The following NOTCH4 variants were observed in gnomAD, a reference collection of about 807,000 sequenced individuals.
The protein encoded by NOTCH4 is notch receptor 4.
Under a neutral mutation model 189.0 loss-of-function variants are expected in NOTCH4, and 138 were observed. That is an observed-to-expected ratio of 0.73 (90% CI 0.64 to 0.84). NOTCH4 has a LOEUF of 0.84. Ranked by LOEUF, NOTCH4 falls within the 40% of genes least tolerant of loss-of-function variation. The pLI is 0.00. For missense variants in NOTCH4, 2,286 were observed against 2,605.4 expected (o/e 0.88, Z 2.67); for synonymous variants, 942 against 1,032.8 (o/e 0.91, Z 1.69).
Position 32,220,395 on chromosome 6 carries a change from AC to A in NOTCH4, c.1159+9del. ...TACCTCCCACCTCCTGATACCCTCT[AC>A]CCCCATACCTGTGCGTCCAGGTGGG... is the stretch of plus-strand genomic sequence containing the variant. On this transcript the variant is annotated intron_variant, in intron 6 of 29. Transcript: ENST00000375023. The A allele has an allele frequency of 6.2e-7, 1 of 1,613,338 alleles. No homozygotes were observed. Among genetic ancestry groups the A allele is most frequent in the Non-Finnish European group, 8.5e-7 (1 of 1,179,546 alleles).
At position 32,204,397 on chromosome 6, in the gene NOTCH4, C is replaced by A; in HGVS notation, c.2866-8G>T. ...ATCGTAGCCTGGGGCACACTGCAGACAAAGAGGATTAGACAGGGAACCAGT... is the reference window on the plus strand; with the variant it reads ...ATCGTAGCCTGGGGCACACTGCAGAAAAAGAGGATTAGACAGGGAACCAGT... On this transcript the variant is annotated splice_polypyrimidine_tract_variant and splice_region_variant and intron_variant, in intron 18 of 29. Coordinates refer to ENST00000375023, the MANE Select transcript of NOTCH4 (RefSeq NM_004557.4). 1 of 1,612,186 alleles carries A rather than the reference C, an allele frequency of 6.2e-7. No homozygotes were observed. Among genetic ancestry groups the A allele is most frequent in the Non-Finnish European group, 8.5e-7 (1 of 1,179,416 alleles).
At chr6:32,196,678 C>T (rs570962471) in intron 28 of NOTCH4, among the ~76,000 whole-genome samples, 4 of 152,154 alleles carry the variant, frequency 2.6e-5, no homozygotes, top group South Asian at 2.1e-4. Flanking sequence ...GATTCCCCCC[C>T]CTTTCCACAG....
Position 32,195,380 on chromosome 6 carries a change from C to G in NOTCH4, c.*57G>C. On this transcript the variant is annotated 3_prime_UTR_variant, in exon 30 of 30. Transcript: ENST00000375023. The surrounding 1 kb of genome is among the most constrained non-coding windows in gnomAD (Gnocchi z 5.4). ...TCCATCTTAAAACCAGGAAGGCCTT[C>G]CAGCCTGCCTTTTAATGGGTAATCA... is the stretch of plus-strand genomic sequence containing the variant. 1 of 1,497,420 alleles carries G rather than the reference C, an allele frequency of 6.7e-7. No individual in the cohort carries two copies. Among genetic ancestry groups the G allele is most frequent in the African/African-American group, 1.4e-5 (1 of 71,676 alleles). The allele number at this position is 1,497,420 out of a possible 1,614,324, so 92.8% of individuals were successfully genotyped here.
rs575298302 is a variant in NOTCH4, at chr6:32,204,348, G to C, written c.2907C>G (p.Leu969=). Residue 969 remains leucine, a synonymous_variant, in exon 19 of 30, where the codon CTC becomes CTG. Transcript: ENST00000375023. ...GACAGGGTTGGGACTGACAAGCATCGAGTTCCTTTGAGCAGTTCTGTCCAT... is the reference window on the plus strand; with the variant it reads ...GACAGGGTTGGGACTGACAAGCATCCAGTTCCTTTGAGCAGTTCTGTCCAT... The part of the protein sequence containing the change: ...GYDGQNCSKE[L]DACQSQPCHN... 6.2e-7 allele frequency: 1 copy of C among 1,613,048 alleles called. No individual in the cohort carries two copies. The highest frequency in any genetic ancestry group is 1.7e-5 in the Admixed American group (1 of 60,018).
At position 32,223,122 on chromosome 6, in the gene NOTCH4, G is replaced by A. The variant is rs1379916062; in HGVS notation, c.74-36C>T. On this transcript the variant is annotated intron_variant, in intron 1 of 29. Transcript: ENST00000375023. The stretch of plus-strand genomic sequence containing the variant: ...AGAGGCAGGCGCAATGGAAGCCCTG[G>A]GTGCTGTGCCTCCACCTTTCCTCTT... 5.2e-6 allele frequency: 8 copies of A among 1,529,438 alleles called. No individual in the cohort carries two copies. In the South Asian group the frequency reaches 9.0e-5, roughly 17 times the overall value. The allele number at this position is 1,529,438 out of a possible 1,614,324, so 94.7% of individuals were successfully genotyped here. A position where few individuals can be genotyped will look rare whatever the true frequency, so the allele number is the denominator to read the frequency against.
chr6:32,220,790 G>A lies in NOTCH4; in HGVS notation c.888C>T (p.Asp296=), dbSNP rs1216891746. 3.7e-6 allele frequency: 6 copies of A among 1,613,992 alleles called. No homozygotes were observed. Among genetic ancestry groups the A allele is most frequent in the African/African-American group, 2.7e-5 (2 of 74,902 alleles). The change falls in exon 5 of 30, where the codon GAC becomes GAT. Residue 296 remains aspartate (D), a synonymous_variant. Coordinates refer to ENST00000375023, the MANE Select transcript of NOTCH4 (RefSeq NM_004557.4). ...QNGGTCQDGL[D]TYTCLCPETW... ...TTTCTGGGCAGAGGCAGGTGTAGGT[G>A]TCCAGCCCATCCTGGCAAGTGCCCC...
chr6:32,213,658 C>T (rs1025150594), intron 14 of NOTCH4, 30 bp downstream of exon 14: 1 of 1,608,996 alleles, frequency 6.2e-7, no homozygotes, highest in South Asian at 1.1e-5. Context: ...CTCCTGTGGA[C>T]CCCAGCCCCA....
Position 32,198,951 on chromosome 6 carries a change from G to T in NOTCH4, c.4510C>A (p.Leu1504Ile). The T allele has an allele frequency of 6.3e-7, 1 of 1,594,848 alleles. No homozygotes were observed. The highest frequency in any genetic ancestry group is 8.5e-7 in the Non-Finnish European group (1 of 1,169,902). The part of the protein sequence containing the change: ...QSAPHRRRPP[L>I]GEDSIGLKAL... ...TTGAGACCAATGCTGTCCTCGCCTA[G>T]TGGGGGCCGGCGTCGGTGGGGAGCT... The change falls in exon 24 of 30, where the codon CTA becomes ATA. Residue 1504 changes from leucine to isoleucine, a missense_variant. By Grantham distance (5) the Leu-to-Ile change is conservative. Transcript: ENST00000375023. This position sits in a 1 kb window ranked among gnomAD's most constrained non-coding sequence, Gnocchi z 5.5.
intron 17 of NOTCH4, among the ~76,000 whole-genome samples, chr6:32,211,188 C>T (rs1213516325): frequency 1.3e-5 from 2 of 148,638 alleles, no homozygotes; most frequent in African/African-American, 2.5e-5. Flanking sequence ...TGAACCTGGG[C>T]AGCGCAGGTT....
At chr6:32,220,957 A>G in intron 4 of NOTCH4, 21 bp downstream of exon 4, 7 of 1,593,168 alleles carry the variant, frequency 4.4e-6, no homozygotes, top group Middle Eastern at 1.7e-4. Flanking sequence ...GGGCGGCCGG[A>G]GAGCCCCTGT....
intron 18 of NOTCH4, among the ~76,000 whole-genome samples, chr6:32,206,868 A>C (rs1214150112): frequency 6.6e-6 from 1 of 152,096 alleles, no homozygotes. Context: ...AATGGAATGT[A>C]ATAGAGAGCC....
At position 32,202,471 on chromosome 6, in the gene NOTCH4, A is replaced by T; in HGVS notation, c.3360T>A (p.Tyr1120Ter). ...FPPRCACLSG[Y>*]GGPDCLTPPA... Reference sequence around the variant, plus strand: ...GTGGGGTCAGGCAGTCAGGACCCCCATAGCCACTGAGGCAGGCACAGCGTG... The same window carrying T: ...GTGGGGTCAGGCAGTCAGGACCCCCTTAGCCACTGAGGCAGGCACAGCGTG... Residue 1120 changes from tyrosine to a stop codon, truncating the protein, a stop_gained, in exon 21 of 30, where the codon TAT (tyrosine) becomes TAA (stop). Coordinates refer to ENST00000375023, the MANE Select transcript of NOTCH4 (RefSeq NM_004557.4). LOFTEE classifies it high-confidence loss of function. The surrounding 1 kb of genome is among the most constrained non-coding windows in gnomAD (Gnocchi z 5.7). The T allele has an allele frequency of 6.2e-7, 1 of 1,612,554 alleles. No individual in the cohort carries two copies. The highest frequency in any genetic ancestry group is 8.5e-7 in the Non-Finnish European group (1 of 1,179,780).
intron 1 of NOTCH4, 99 bp from the exon 2 acceptor site, chr6:32,223,185 A>G (rs1789903902): frequency 1.2e-6 from 1 of 867,258 alleles, no homozygotes; most frequent in Non-Finnish European, 2.0e-6. Context: ...AGCAGCTCCC[A>G]CAGGTACTCT....
At chr6:32,214,415 C>T (rs1053476188) in intron 12 of NOTCH4, among the ~76,000 whole-genome samples, 160 bp from the exon 13 acceptor site, 2 of 149,504 alleles carry the variant, frequency 1.3e-5, no homozygotes, top group African/African-American at 5.0e-5. Flanking sequence ...TCCTCCCCAA[C>T]ACCTGCTCAT....
chr6:32,198,356 C>G lies in NOTCH4; in HGVS notation c.4756+65G>C. On this transcript the variant is annotated intron_variant, in intron 26 of 29. Coordinates refer to ENST00000375023, the MANE Select transcript of NOTCH4 (RefSeq NM_004557.4). The surrounding 1 kb of genome is among the most constrained non-coding windows in gnomAD (Gnocchi z 5.5). ...TTCCTCTAGTTCTGATATTAAAGGA[C>G]TCTCTGATTCTAATAGGGTCAAAGG... is the stretch of plus-strand genomic sequence containing the variant. The G allele has an allele frequency of 6.7e-7, 1 of 1,498,940 alleles. No homozygotes were observed. The highest frequency in any genetic ancestry group is 9.0e-7 in the Non-Finnish European group (1 of 1,108,634). 92.9% of individuals were successfully genotyped at this position (1,498,940 alleles called of 1,614,324 possible).
At chr6:32,197,923 G>A (rs1788061143) in intron 26 of NOTCH4, among the ~76,000 whole-genome samples, 1 of 149,736 alleles carries the variant, frequency 6.7e-6, no homozygotes, top group African/African-American at 2.5e-5. Context: ...CCAGGTTCAC[G>A]CCATTCTCCT....
chr6:32,197,716 G>T, intron 26 of NOTCH4, 122 bp from the exon 27 acceptor site: 1 of 838,978 alleles, frequency 1.2e-6, no homozygotes, highest in Non-Finnish European at 1.7e-6. Context: ...GCTCTGTGTG[G>T]CTTTAGCCAA....
chr6:32,204,529 T>A (rs1788557950), intron 18 of NOTCH4, 140 bp from the exon 19 acceptor site: 1 of 911,664 alleles, frequency 1.1e-6, no homozygotes, highest in African/African-American at 1.7e-5. Context: ...ATCATGGCCA[T>A]GTGTCACAAT....
At position 32,214,179 on chromosome 6, in the gene NOTCH4, A is replaced by C. The variant is rs748609797; in HGVS notation, c.2098T>G (p.Cys700Gly). Reference protein sequence around the residue: ...AELGGCISAPCAHGGTCYPQP... With the variant: ...AELGGCISAPGAHGGTCYPQP... ...GGGTAGCAGGTCCCCCCATGGGCAC[A>C]GGGTGCAGAGATGCAGCCCCCTAGC... is the stretch of plus-strand genomic sequence containing the variant. The change falls in exon 13 of 30, where the codon TGT (cysteine) becomes GGT (glycine). Residue 700 changes from cysteine (C) to glycine (G), a missense_variant. Transcript: ENST00000375023. The C allele has an allele frequency of 3.1e-6, 5 of 1,613,642 alleles. No homozygotes were observed. Among genetic ancestry groups the C allele is most frequent in the Non-Finnish European group, 4.2e-6 (5 of 1,179,820 alleles).
Sources: allele counts gnomAD v4.1 joint callset (sites outside exome capture counted in the v4.1 genomes callset), GRCh38; gene constraint gnomAD v4.1.1; non-coding constraint Gnocchi (gnomAD v3.1); transcripts MANE v1.5; gene names NCBI Gene and HGNC (gene_info 2026-07-23, HGNC 2026-07-21).